Variants in TENM3 observed in about 807,000 individuals in gnomAD.
TENM3 encodes teneurin-3.
Under a neutral mutation model 255.1 loss-of-function variants are expected in TENM3, and 63 were observed. The observed-to-expected ratio is 0.25, with a 90% CI of 0.20 to 0.30. The LOEUF (loss-of-function observed/expected upper bound fraction) is 0.30, where lower values mean the gene tolerates loss of function less well. Ranked by LOEUF, TENM3 falls within the 10% of genes least tolerant of loss-of-function variation. The pLI is 1.00. For missense variants in TENM3, 2,929 were observed against 3,461.1 expected, an observed-to-expected ratio of 0.85 and a Z score of 3.86; for synonymous variants, 1,306 against 1,322.3, an observed-to-expected ratio of 0.99 and a Z score of 0.27.
At chr4:182,672,469 A>C (rs1018939013) in intron 6 of TENM3, among the ~76,000 whole-genome samples, 2 of 152,098 alleles carry the variant, frequency 1.3e-5, no homozygotes, top group Non-Finnish European at 2.9e-5. Flanking sequence ...CCCCTTCTCT[A>C]TCTCTCTGCC....
At chr4:181,489,897 G>T in the TENM3 span, among the ~76,000 whole-genome samples, 1 of 152,112 alleles carries the variant, frequency 6.6e-6, no homozygotes, top group Non-Finnish European at 1.5e-5. Flanking sequence ...AATATTTCCA[G>T]ATCATTTGGT....
intron 16 of TENM3, 43 bp downstream of exon 16, chr4:182,731,182 C>A: frequency 6.3e-7 from 1 of 1,583,352 alleles, no homozygotes. Flanking sequence ...ACAAGATCTT[C>A]AGATCATGTT....
At chr4:182,260,968 C>T (rs761868984) in intron 1 of TENM3, among the ~76,000 whole-genome samples, 2 of 152,012 alleles carry the variant, frequency 1.3e-5, no homozygotes, top group African/African-American at 2.4e-5. Context: ...CTCTGCCTCC[C>T]GGGTTCAGTT....
chr4:182,596,597 ACT>A (rs1441527214), intron 3 of TENM3, among the ~76,000 whole-genome samples: 1 of 152,178 alleles, frequency 6.6e-6, no homozygotes, highest in African/African-American at 2.4e-5. Context: ...GAGAGAAGCA[ACT>A]CTGCCTAAGT....
chr4:182,395,255 G>A (rs959385997), intron 3 of TENM3, among the ~76,000 whole-genome samples: 1 of 152,110 alleles, frequency 6.6e-6, no homozygotes, highest in Non-Finnish European at 1.5e-5. Flanking sequence ...ATACAGCCTG[G>A]CTTTTTCAGG....
intron 1 of TENM3, among the ~76,000 whole-genome samples, chr4:182,221,301 C>G (rs1171025065): frequency 6.6e-6 from 1 of 152,118 alleles, no homozygotes; most frequent in African/African-American, 2.4e-5. Context: ...AATATTTGAT[C>G]TTTTTAAGGA....
intron 3 of TENM3, among the ~76,000 whole-genome samples, chr4:182,463,604 G>A (rs968416695): frequency 8.6e-5 from 13 of 150,648 alleles, no homozygotes; most frequent in Admixed American, 2.7e-4. Context: ...GATTACAGGC[G>A]CCTGCCACTG....
chr4:181,746,025 T>A, the TENM3 span, among the ~76,000 whole-genome samples: 1 of 152,044 alleles, frequency 6.6e-6, no homozygotes, highest in Non-Finnish European at 1.5e-5. Flanking sequence ...TGACTCTAGT[T>A]CAGGATTGTG....
chr4:182,632,228 A>G (rs2152476377), intron 5 of TENM3, among the ~76,000 whole-genome samples: 1 of 152,248 alleles, frequency 6.6e-6, no homozygotes, highest in East Asian at 1.9e-4. Context: ...AGTTCCCCAA[A>G]ATACAGTGAC....
chr4:181,785,492 G>A, the TENM3 span, among the ~76,000 whole-genome samples: 62 of 152,120 alleles, frequency 4.1e-4, no homozygotes, highest in African/African-American at 1.2e-3. Context: ...GAATTGACGC[G>A]TATTACCATA....
chr4:182,012,866 C>A, the TENM3 span: 1 of 152,032 alleles, frequency 6.6e-6, no homozygotes, highest in Non-Finnish European at 1.5e-5. Context: ...TCATGACAGG[C>A]CTAAAAATAT....
Position 182,561,977 on chromosome 4 carries a change from T to TAGACAGAC in TENM3, c.512-38944_512-38943insCAGACAGA, listed in dbSNP as rs879600680. 6.2e-3 allele frequency among the ~76,000 whole-genome samples: 863 copies of TAGACAGAC among 138,578 alleles called. 5 individuals carry two copies. The highest frequency in any genetic ancestry group is 0.013 in the Admixed American group (167 of 12,910). 90.9% of individuals were successfully genotyped at this position (138,578 alleles called of 152,430 possible). A position where few individuals can be genotyped will look rare whatever the true frequency, so the allele number is the denominator to read the frequency against. ...ACAATACTGTGTATATCCAGATAGA[T>TAGACAGAC]AGATAGACAGATAGATAGATAGATA... is the stretch of plus-strand genomic sequence containing the variant. On this transcript the variant is annotated intron_variant, in intron 3 of 27. Coordinates refer to ENST00000511685, the MANE Select transcript of TENM3 (RefSeq NM_001080477.4).
chr4:182,771,250 A>G (rs1764181620), intron 22 of TENM3, among the ~76,000 whole-genome samples: 1 of 152,214 alleles, frequency 6.6e-6, no homozygotes, highest in Non-Finnish European at 1.5e-5. Context: ...GAATGGGGCT[A>G]GAAAATATAA....
chr4:181,483,985 A>G, the TENM3 span, among the ~76,000 whole-genome samples: 2 of 152,140 alleles, frequency 1.3e-5, no homozygotes, highest in African/African-American at 2.4e-5. Context: ...ACAAACTTTA[A>G]GCTATTTTCA....
chr4:182,309,984 TG>T (rs1762351168), intron 1 of TENM3, among the ~76,000 whole-genome samples: 1 of 152,242 alleles, frequency 6.6e-6, no homozygotes. Context: ...TATTGTCATA[TG>T]CTTTTTGGAT....
At chr4:182,449,963 C>T (rs960980908) in intron 3 of TENM3, among the ~76,000 whole-genome samples, 1 of 152,166 alleles carries the variant, frequency 6.6e-6, no homozygotes, top group Middle Eastern at 3.2e-3. Flanking sequence ...CATTTCCTCC[C>T]TCTCCTGTGC....
chr4:181,769,102 A>G, the TENM3 span, among the ~76,000 whole-genome samples: 4 of 152,128 alleles, frequency 2.6e-5, no homozygotes, highest in African/African-American at 9.7e-5. Flanking sequence ...ATTGGATTTT[A>G]TAGGGTAGCC....
chr4:182,526,451 A>C (rs1018799456), intron 3 of TENM3, among the ~76,000 whole-genome samples: 2 of 151,964 alleles, frequency 1.3e-5, no homozygotes, highest in Non-Finnish European at 2.9e-5. Flanking sequence ...GCCAAATCAA[A>C]CACACGACTC....
At chr4:181,489,161 C>G in the TENM3 span, among the ~76,000 whole-genome samples, 1 of 152,158 alleles carries the variant, frequency 6.6e-6, no homozygotes, top group Non-Finnish European at 1.5e-5. Flanking sequence ...CCAAGGCAGC[C>G]TCTGGCCTGA....
Sources: allele counts gnomAD v4.1 joint callset (sites outside exome capture counted in the v4.1 genomes callset), GRCh38; gene constraint gnomAD v4.1.1; transcripts MANE v1.5; gene names NCBI Gene and HGNC (gene_info 2026-07-23, HGNC 2026-07-21).